Variants in NEDD9 observed in about 807,000 individuals in gnomAD.
The protein encoded by NEDD9 is enhancer of filamentation 1.
Under a neutral mutation model 76.6 loss-of-function variants are expected in NEDD9, and 26 were observed. The observed-to-expected ratio is 0.34, with a 90% CI of 0.25 to 0.47. The LOEUF (loss-of-function observed/expected upper bound fraction) is 0.47. Ranked by LOEUF, NEDD9 falls within the 20% of genes least tolerant of loss-of-function variation. NEDD9 has a pLI of 1.00. For synonymous variants in NEDD9, 392 were observed against 414.2 expected (o/e 0.95, Z 0.65); for missense variants, 937 against 1,058.5 (o/e 0.89, Z 1.59).
intron 1 of NEDD9, among the ~76,000 whole-genome samples, chr6:11,345,582 G>A (rs539925810): frequency 3.9e-5 from 6 of 152,134 alleles, no homozygotes; most frequent in Non-Finnish European, 7.4e-5. Context: ...ACAGGGGATC[G>A]TGGCTTCACT....
chr6:11,339,761 C>T (rs550651086), intron 1 of NEDD9, among the ~76,000 whole-genome samples: 7 of 152,206 alleles, frequency 4.6e-5, no homozygotes, highest in African/African-American at 7.2e-5. Context: ...GATTTCAGGA[C>T]TTGACTGGGT....
chr6:11,275,858 GA>G (rs1397154870), intron 3 of NEDD9, among the ~76,000 whole-genome samples: 2 of 152,298 alleles, frequency 1.3e-5, no homozygotes, highest in East Asian at 3.9e-4. Context: ...CAAACTGGGG[GA>G]GGATGTTCTT....
chr6:11,197,252 C>CT (rs34890588), intron 2 of NEDD9, among the ~76,000 whole-genome samples: 26,140 of 144,408 alleles, frequency 0.18, 2,844 homozygotes, highest in South Asian at 0.37. Context: ...CCTCTGTTTG[C>CT]TTTTTTTTTT....
intron 2 of NEDD9, among the ~76,000 whole-genome samples, chr6:11,204,101 T>C (rs926351195): frequency 6.6e-6 from 1 of 152,152 alleles, no homozygotes; most frequent in East Asian, 1.9e-4. Flanking sequence ...TAATCTAGCA[T>C]CACTTGCCAT....
chr6:11,232,399 C>G, intron 1 of NEDD9, 105 bp downstream of exon 1: 2 of 1,424,762 alleles, frequency 1.4e-6, no homozygotes, highest in Non-Finnish European at 2.0e-6. Flanking sequence ...TTAGAACTCT[C>G]CGGGACACAC....
chr6:11,310,800 C>T (rs920466833), intron 2 of NEDD9, among the ~76,000 whole-genome samples: 2 of 152,324 alleles, frequency 1.3e-5, no homozygotes, highest in East Asian at 3.9e-4. Context: ...CTGTTAACCT[C>T]AGTAGGCAGT....
At chr6:11,200,370 C>A in intron 2 of NEDD9, 1 of 582,660 alleles carries the variant, frequency 1.7e-6, no homozygotes, top group Non-Finnish European at 2.8e-6. Context: ...ACAAAATTCT[C>A]TCTGGAGGCA....
intron 4 of NEDD9, 63 bp downstream of exon 4, chr6:11,192,282 C>T: frequency 2.9e-6 from 1 of 339,062 alleles, no homozygotes. Context: ...CCCAACCCTG[C>T]ACCCCCCGAC....
upstream of NEDD9, among the ~76,000 whole-genome samples, chr6:11,232,968 G>A (rs1286396474): frequency 1.3e-5 from 2 of 151,604 alleles, no homozygotes; most frequent in African/African-American, 2.4e-5. Flanking sequence ...AAATTTTAAA[G>A]AAACTGAATT....
intron 3 of NEDD9, among the ~76,000 whole-genome samples, chr6:11,240,088 T>C (rs971077718): frequency 7.2e-6 from 1 of 138,826 alleles, no homozygotes; most frequent in East Asian, 2.0e-4. Flanking sequence ...CAGATGGAGG[T>C]GGAGGGTAGT....
At chr6:11,313,183 A>G (rs1761427189) in intron 2 of NEDD9, among the ~76,000 whole-genome samples, 1 of 152,068 alleles carries the variant, frequency 6.6e-6, no homozygotes, top group African/African-American at 2.4e-5. Context: ...ATGAATATCT[A>G]GATGGGTGGA....
intron 3 of NEDD9, among the ~76,000 whole-genome samples, chr6:11,265,424 G>C: frequency 6.6e-6 from 1 of 152,110 alleles, no homozygotes; most frequent in Non-Finnish European, 1.5e-5. Flanking sequence ...GTATTTTCTG[G>C]ACTTTAACTT....
chr6:11,239,762 T>C (rs1168760628), intron 3 of NEDD9, among the ~76,000 whole-genome samples: 1 of 151,956 alleles, frequency 6.6e-6, no homozygotes, highest in Non-Finnish European at 1.5e-5. Context: ...AAAAAAATAA[T>C]AGGCCAGGCA....
At chr6:11,355,986 C>G (rs138749672) in intron 1 of NEDD9, among the ~76,000 whole-genome samples, 2,516 of 152,054 alleles carry the variant, frequency 0.017, 63 homozygotes, top group East Asian at 0.057. Context: ...CTCCCAAAGT[C>G]CTGGGATTGC....
intron 2 of NEDD9, among the ~76,000 whole-genome samples, chr6:11,212,597 C>T (rs928504948): frequency 6.6e-6 from 1 of 152,228 alleles, no homozygotes; most frequent in African/African-American, 2.4e-5. Flanking sequence ...GAGCTCCCCA[C>T]ACTGTATTTT....
chr6:11,213,431 G>A lies in NEDD9; in HGVS notation c.309C>T (p.Asp103=), dbSNP rs1315022286. 6.2e-7 allele frequency: 1 copy of A among 1,614,106 alleles called. No homozygotes were observed. Among genetic ancestry groups the A allele is most frequent in the South Asian group, 1.1e-5 (1 of 91,068 alleles). ...AGGAAGGTGGCACTTGGTAGATGGTGTCTCGGGGAGCAGCCTGTGGGTTTG... is the reference window on the plus strand; with the variant it reads ...AGGAAGGTGGCACTTGGTAGATGGTATCTCGGGGAGCAGCCTGTGGGTTTG... ...QVPNPQAAPR[D]TIYQVPPSYQ... The change falls in exon 2 of 7, where the codon GAC becomes GAT. Residue 103 remains aspartate, a synonymous_variant. Coordinates refer to ENST00000379446, the MANE Select transcript of NEDD9 (RefSeq NM_006403.4). The surrounding 1 kb of genome is among the most constrained non-coding windows in gnomAD (Gnocchi z 5.4).
At chr6:11,357,827 C>T (rs573895788) in intron 1 of NEDD9, among the ~76,000 whole-genome samples, 2 of 152,286 alleles carry the variant, frequency 1.3e-5, no homozygotes, top group South Asian at 4.1e-4. Flanking sequence ...ATCTTTTCTA[C>T]GTCAGTTCTA....
At chr6:11,381,034 C>T (rs1383591398) in intron 1 of NEDD9, among the ~76,000 whole-genome samples, 1 of 152,326 alleles carries the variant, frequency 6.6e-6, no homozygotes, top group East Asian at 1.9e-4. Context: ...AATAAACTAA[C>T]CGATTAACAA....
At chr6:11,229,318 C>T (rs1001975664) in intron 1 of NEDD9, among the ~76,000 whole-genome samples, 1 of 152,236 alleles carries the variant, frequency 6.6e-6, no homozygotes, top group African/African-American at 2.4e-5. Flanking sequence ...GGCAAAGCCA[C>T]AAAAGCGTCT....
Sources: allele counts gnomAD v4.1 joint callset (sites outside exome capture counted in the v4.1 genomes callset), GRCh38; gene constraint gnomAD v4.1.1; non-coding constraint Gnocchi (gnomAD v3.1); transcripts MANE v1.5; gene names NCBI Gene and HGNC (gene_info 2026-07-23, HGNC 2026-07-21).